The following MYH13 variants were observed in gnomAD, a reference collection of about 807,000 sequenced individuals.
MYH13 encodes myosin-13.
A neutral mutation model predicts 232.1 loss-of-function variants in MYH13; 177 were observed. The observed-to-expected ratio is 0.76, with a 90% confidence interval of 0.67 to 0.86. The LOEUF (loss-of-function observed/expected upper bound fraction) is 0.86, where lower values mean the gene tolerates loss of function less well. MYH13 is among the 40% of genes least tolerant of loss of function. The pLI, the probability that MYH13 is intolerant of heterozygous loss-of-function variation, is 0.00. For missense variants in MYH13, 2,246 were observed against 2,405.9 expected (o/e 0.93, Z 1.39); for synonymous variants, 884 against 923.5 (o/e 0.96, Z 0.78).
intron 8 of MYH13, 29 bp from the exon 9 acceptor site, chr17:10,355,176 C>T (rs371406718): frequency 1.2e-4 from 193 of 1,554,066 alleles, no homozygotes; most frequent in African/African-American, 2.5e-4. Flanking sequence ...ACAAATGTTA[C>T]GGTTATTTGA....
intron 19 of MYH13, 46 bp from the exon 20 acceptor site, chr17:10,332,268 G>A (rs369241268): frequency 2.6e-4 from 419 of 1,607,736 alleles, no homozygotes; most frequent in Non-Finnish European, 3.4e-4. Flanking sequence ...TCCCCGAAAG[G>A]CTTCATAGCT....
chr17:10,330,648 C>G, intron 20 of MYH13, 125 bp from the exon 21 acceptor site: 1 of 1,339,324 alleles, frequency 7.5e-7, no homozygotes, highest in Non-Finnish European at 1.0e-6. Context: ...GGCAGCAATT[C>G]TGTTTCCAGG....
intron 8 of MYH13, among the ~76,000 whole-genome samples, chr17:10,357,176 C>G (rs985314685): frequency 1.3e-5 from 2 of 151,966 alleles, no homozygotes; most frequent in African/African-American, 4.8e-5. Context: ...TGGTCAGGCT[C>G]GTCTCAAACT....
At chr17:10,355,945 T>G (rs1419074998) in intron 8 of MYH13, among the ~76,000 whole-genome samples, 1 of 145,330 alleles carries the variant, frequency 6.9e-6, no homozygotes, top group African/African-American at 2.5e-5. Flanking sequence ...CAAATCTGGC[T>G]CAGAGGCCCG....
chr17:10,324,166 C>G lies in MYH13; in HGVS notation c.2790G>C (p.Leu930Phe), dbSNP rs1907111262. The G allele has an allele frequency of 6.2e-7, 1 of 1,613,842 alleles. No individual in the cohort carries two copies. Among genetic ancestry groups the G allele is most frequent in the East Asian group, 2.2e-5 (1 of 44,876 alleles). The change falls in exon 23 of 41, where the codon TTG (leucine) becomes TTC (phenylalanine). Residue 930 changes from leucine (L) to phenylalanine (F), a missense_variant. Physicochemically the swap from Leu to Phe is conservative, Grantham distance 22. Transcript: ENST00000252172. ...EAKVKELTER[L>F]EEEEEMNSEL... Reference sequence around the variant, plus strand: ...CAGAATTCATCTCCTCTTCCTCTTCCAATCTCTCCGTCAGCTCCTTGACTT... The same window carrying G: ...CAGAATTCATCTCCTCTTCCTCTTCGAATCTCTCCGTCAGCTCCTTGACTT...
In MYH13 at chr17:10,303,458, C is replaced by T. The variant is rs748958560; in HGVS notation, c.5507G>A (p.Arg1836Lys). 6 of 1,613,994 alleles carry T rather than the reference C, an allele frequency of 3.7e-6. No individual in the cohort carries two copies. The South Asian group carries it at 6.6e-5, about 18-fold the overall frequency. ...GGCTCCCTTCAGGGCTTCAGCTCCCCTCTTCTGTTCCACATCAAGCTCATT... is the reference window on the plus strand; with the variant it reads ...GGCTCCCTTCAGGGCTTCAGCTCCCTTCTTCTGTTCCACATCAAGCTCATT... ...LENELDVEQK[R>K]GAEALKGAHK... Residue 1836 changes from arginine to lysine, a missense_variant, in exon 38 of 41, where the codon AGG (arginine) becomes AAG (lysine). Coordinates refer to ENST00000252172, the MANE Select transcript of MYH13 (RefSeq NM_003802.3).
chr17:10,321,331 G>A (rs1168997009), intron 24 of MYH13, among the ~76,000 whole-genome samples: 1 of 152,122 alleles, frequency 6.6e-6, no homozygotes, highest in African/African-American at 2.4e-5. Context: ...CATTTCACAA[G>A]GCACAAACTG....
rs375797285 is a variant in MYH13 at position 10,315,963 on chromosome 17, G to A, written c.3801C>T (p.Asp1267=). 559 of 1,613,796 alleles carry A rather than the reference G, an allele frequency of 3.5e-4. No homozygotes were observed. Among genetic ancestry groups the A allele is most frequent in the Non-Finnish European group, 4.2e-4 (490 of 1,179,868 alleles). The change falls in exon 28 of 41, where the codon GAC becomes GAT. Residue 1267 remains aspartate (D), a synonymous_variant. Transcript: ENST00000252172. ...EDQFSEIKAK[D]EQQTQLIHDL... is the part of the protein sequence containing the mutation. Reference sequence around the variant, plus strand: ...CATGGATCAACTGTGTCTGTTGCTCGTCCTTGGCTTTGATTTCACTAAATT... The same window carrying A: ...CATGGATCAACTGTGTCTGTTGCTCATCCTTGGCTTTGATTTCACTAAATT...
intron 11 of MYH13, among the ~76,000 whole-genome samples, chr17:10,352,575 G>A (rs963503534): frequency 1.3e-5 from 2 of 150,680 alleles, no homozygotes; most frequent in Admixed American, 6.6e-5. Context: ...GGGACAGAGC[G>A]AGACTCCATC....
chr17:10,370,069 C>T (rs1010551310), intron 2 of MYH13, among the ~76,000 whole-genome samples: 1 of 152,202 alleles, frequency 6.6e-6, no homozygotes, highest in Non-Finnish European at 1.5e-5. Context: ...GTCACTCTTC[C>T]CTGAACCCAC....
intron 39 of MYH13, among the ~76,000 whole-genome samples, chr17:10,302,237 T>A (rs2142212967): frequency 6.6e-6 from 1 of 152,224 alleles, no homozygotes; most frequent in South Asian, 2.1e-4. Context: ...AGTTCAAATC[T>A]GCTTCCCTGA....
intron 12 of MYH13, among the ~76,000 whole-genome samples, chr17:10,349,532 C>G (rs1158052178): frequency 1.3e-5 from 2 of 152,010 alleles, no homozygotes; most frequent in African/African-American, 2.4e-5. Context: ...GAAGTGTTTC[C>G]TGTGTGAAGA....
intron 22 of MYH13, 73 bp from the exon 23 acceptor site, chr17:10,324,337 TA>T: frequency 6.4e-7 from 1 of 1,569,524 alleles, no homozygotes; most frequent in Middle Eastern, 1.7e-4. Context: ...TATCACCCTC[TA>T]AAAGCTTATT....
intron 21 of MYH13, among the ~76,000 whole-genome samples, chr17:10,329,503 C>T (rs886912948): frequency 2.0e-5 from 3 of 152,220 alleles, no homozygotes; most frequent in Admixed American, 6.5e-5. Context: ...TGCAATCCTA[C>T]CCCTTGTCTC....
intron 23 of MYH13, among the ~76,000 whole-genome samples, chr17:10,322,280 C>T (rs558875281): frequency 6.6e-6 from 1 of 152,054 alleles, no homozygotes; most frequent in African/African-American, 2.4e-5. Flanking sequence ...CACCTGTAGT[C>T]CCAGCTACTC....
intron 37 of MYH13, 57 bp from the exon 38 acceptor site, chr17:10,303,555 G>GAGTCCATGAGA: frequency 6.9e-7 from 1 of 1,451,552 alleles, no homozygotes; most frequent in Non-Finnish European, 9.7e-7. Flanking sequence ...CTTCTCTCAT[G>GAGTCCATGAGA]GACTCATGGG....
rs547895295 is a variant in MYH13 at position 10,361,334 on chromosome 17, C to T, written c.505+784G>A. ...GAGACGGAGTTTTGCTCTTTTTGCCCAGGCTGAAGTGCAGTGGCGAGATCT... is the reference window on the plus strand; with the variant it reads ...GAGACGGAGTTTTGCTCTTTTTGCCTAGGCTGAAGTGCAGTGGCGAGATCT... On this transcript the variant is annotated intron_variant, in intron 5 of 40. Transcript: ENST00000252172. Among the ~76,000 whole-genome samples, 18 of 151,082 alleles carry T rather than the reference C, an allele frequency of 1.2e-4. No individual in the cohort carries two copies. In the Middle Eastern group the frequency reaches 0.014, roughly 116 times the overall value.
intron 18 of MYH13, among the ~76,000 whole-genome samples, chr17:10,336,116 C>A (rs776143558): frequency 6.6e-4 from 100 of 152,122 alleles, no homozygotes; most frequent in Non-Finnish European, 6.8e-4. Context: ...CTTTGCAAAG[C>A]TGTAGCAGAG....
intron 2 of MYH13, among the ~76,000 whole-genome samples, chr17:10,365,692 G>T (rs2071828493): frequency 6.6e-6 from 1 of 152,162 alleles, no homozygotes; most frequent in South Asian, 2.1e-4. Flanking sequence ...TTTTTAACAA[G>T]ATCCCCAGGT....
Sources: allele counts gnomAD v4.1 joint callset (sites outside exome capture counted in the v4.1 genomes callset), GRCh38; gene constraint gnomAD v4.1.1; transcripts MANE v1.5; gene names NCBI Gene and HGNC (gene_info 2026-07-23, HGNC 2026-07-21).